CFAP300: variants seen among roughly 807,000 people sequenced by gnomAD.
CFAP300 encodes the protein cilia- and flagella-associated protein 300.
A neutral mutation model predicts 33.0 loss-of-function variants in CFAP300; 32 were observed. The ratio of observed to expected loss-of-function variants is 0.97; its 90% CI spans 0.73 to 1.30. The LOEUF is 1.30. Among genes scored for constraint, CFAP300 ranks in the 50% most tolerant of loss-of-function variants. CFAP300 has a pLI of 0.00. For missense variants in CFAP300, 356 were observed against 318.1 expected, an observed-to-expected ratio of 1.12 and a Z score of -0.90; for synonymous variants, 102 against 106.8, an observed-to-expected ratio of 0.95 and a Z score of 0.28.
intron 4 of CFAP300, among the ~76,000 whole-genome samples, chr11:102,068,682 G>A (rs1284056420): frequency 1.3e-5 from 2 of 152,182 alleles, no homozygotes; most frequent in Admixed American, 6.5e-5. Context: ...AGCTACTTGG[G>A]AGGCTGAGGC....
intron 4 of CFAP300, among the ~76,000 whole-genome samples, chr11:102,067,932 T>C (rs1942252740): frequency 1.3e-5 from 2 of 152,124 alleles, no homozygotes; most frequent in South Asian, 4.1e-4. Context: ...AGAAATGTAT[T>C]ATTGATATTA....
chr11:102,068,365 A>G (rs1336723903), intron 4 of CFAP300, among the ~76,000 whole-genome samples: 2 of 152,188 alleles, frequency 1.3e-5, no homozygotes, highest in East Asian at 3.8e-4. Flanking sequence ...ACCTAAAAGC[A>G]CTCATTAACT....
chr11:102,057,339 CA>C (rs68076980), intron 2 of CFAP300, among the ~76,000 whole-genome samples: 1,311 of 129,906 alleles, frequency 0.01, 8 homozygotes, highest in African/African-American at 0.017. Context: ...AACTCCATCT[CA>C]AAAAAAAAAA....
chr11:102,048,125 G>A (rs1440466406), intron 2 of CFAP300, among the ~76,000 whole-genome samples: 2 of 152,154 alleles, frequency 1.3e-5, no homozygotes, highest in Non-Finnish European at 2.9e-5. Flanking sequence ...TCAGCATCTT[G>A]TATCTTGCCT....
chr11:102,066,392 T>G, intron 3 of CFAP300, 93 bp from the exon 4 acceptor site: 2 of 790,008 alleles, frequency 2.5e-6, no homozygotes, highest in Non-Finnish European at 1.9e-6. Flanking sequence ...TGTTAACTTC[T>G]TAGAATTTCT....
chr11:102,081,281 T>C lies in CFAP300; in HGVS notation c.675T>C (p.Tyr225=). 1 of 1,611,804 alleles carries C rather than the reference T, an allele frequency of 6.2e-7. No individual in the cohort carries two copies. Among genetic ancestry groups the C allele is most frequent in the Non-Finnish European group, 8.5e-7 (1 of 1,179,128 alleles). ...CTTCTGTCTTTAAAGTTTCAGCTTA[T>C]GTAAGTGTGAGAGAACTTTTGCAAC... ...ITSSVFKVSA[Y]DSAGMCYPSA... Residue 225 remains tyrosine (Y), a splice_region_variant and synonymous_variant, in exon 6 of 7, where the codon TAT becomes TAC. Transcript: ENST00000434758.
At chr11:102,059,832 A>G (rs796897071) in intron 3 of CFAP300, among the ~76,000 whole-genome samples, 5 of 145,550 alleles carry the variant, frequency 3.4e-5, no homozygotes, top group African/African-American at 1.3e-4. Context: ...TTTTTTTGAG[A>G]CAGTGTCTCA....
rs187646731 is a variant in CFAP300, at chr11:102,062,998, G to A, written c.269-3487G>A. ...TGCGCTATTCTTCAAGAAAAGGTTA[G>A]AAAGACCCCGAAGCAATTCAGAGAT... On this transcript the variant is annotated intron_variant, in intron 3 of 6. Coordinates refer to ENST00000434758, the MANE Select transcript of CFAP300 (RefSeq NM_032930.3). Among the ~76,000 whole-genome samples, 916 of 151,722 alleles carry A rather than the reference G, an allele frequency of 6.0e-3. 6 individuals are homozygous for A. The highest frequency in any genetic ancestry group is 0.014 in the Middle Eastern group (4 of 294).
At chr11:102,069,623 T>C (rs1265340860) in intron 4 of CFAP300, among the ~76,000 whole-genome samples, 3 of 151,554 alleles carry the variant, frequency 2.0e-5, no homozygotes, top group Non-Finnish European at 4.4e-5. Flanking sequence ...GCCAACATGG[T>C]GAAAACCAGA....
chr11:102,080,598 C>G (rs1942459705), intron 5 of CFAP300, among the ~76,000 whole-genome samples: 1 of 152,064 alleles, frequency 6.6e-6, no homozygotes, highest in Admixed American at 6.6e-5. Context: ...CAGGGTTTCT[C>G]CATGTTGGTC....
intron 3 of CFAP300, among the ~76,000 whole-genome samples, chr11:102,060,089 A>G (rs1455290245): frequency 6.6e-6 from 1 of 152,146 alleles, no homozygotes; most frequent in African/African-American, 2.4e-5. Context: ...CTCCTGCCTC[A>G]GCCTCCCAGG....
At chr11:102,069,599 A>G (rs1942279582) in intron 4 of CFAP300, among the ~76,000 whole-genome samples, 2 of 152,134 alleles carry the variant, frequency 1.3e-5, no homozygotes, top group Middle Eastern at 6.8e-3. Context: ...GACCAGGAGT[A>G]TAAGACTAGC....
At chr11:102,081,762 C>T (rs1040171167) in intron 6 of CFAP300, among the ~76,000 whole-genome samples, 3 of 151,796 alleles carry the variant, frequency 2.0e-5, no homozygotes, top group African/African-American at 7.3e-5. Context: ...CATGGTGGCA[C>T]GCGCCTGTAG....
intron 2 of CFAP300, among the ~76,000 whole-genome samples, chr11:102,052,332 A>G (rs1941983948): frequency 6.6e-6 from 1 of 152,230 alleles, no homozygotes; most frequent in South Asian, 2.1e-4. Flanking sequence ...AACCAATATT[A>G]ATTGAGGTTA....
At chr11:102,055,041 T>C (rs760323334) in intron 2 of CFAP300, among the ~76,000 whole-genome samples, 17 of 150,562 alleles carry the variant, frequency 1.1e-4, no homozygotes, top group African/African-American at 4.2e-4. Context: ...GGTGCAGTGG[T>C]GCGATCTCAG....
Position 102,053,583 on chromosome 11 carries a change from CAAAA to C in CFAP300, c.193-5295_193-5292del, listed in dbSNP as rs568610003. 5.4e-3 allele frequency among the ~76,000 whole-genome samples: 738 copies of C among 136,554 alleles called. 9 individuals are homozygous for C. The highest frequency in any genetic ancestry group is 0.019 in the African/African-American group (694 of 35,750). 89.6% of individuals were successfully genotyped at this position (136,554 alleles called of 152,430 possible). On this transcript the variant is annotated intron_variant, in intron 2 of 6. Coordinates refer to ENST00000434758, the MANE Select transcript of CFAP300 (RefSeq NM_032930.3). ...ACAAACAAACAAACAAACAAACAAACAAAAACCTTCAGTGTGGCTGGTGTCGTGG... is the reference window on the plus strand; with the variant it reads ...ACAAACAAACAAACAAACAAACAAACACCTTCAGTGTGGCTGGTGTCGTGG...
In CFAP300 at chr11:102,083,033, A is replaced by T. The variant is rs189512829; in HGVS notation, c.676-38A>T. 626 of 1,111,948 alleles carry T rather than the reference A, an allele frequency of 5.6e-4. 3 individuals carry two copies. In the African/African-American group the frequency reaches 7.9e-3, roughly 14 times the overall value. 68.9% of individuals were successfully genotyped at this position (1,111,948 alleles called of 1,614,324 possible). A position where few individuals can be genotyped will look rare whatever the true frequency, so the allele number is the denominator to read the frequency against. Reference sequence around the variant, plus strand: ...ATAATAAATATATAAATACATAAATAAAATAAAATAATAATAATTTAGGTT... The same window carrying T: ...ATAATAAATATATAAATACATAAATTAAATAAAATAATAATAATTTAGGTT... On this transcript the variant is annotated intron_variant, in intron 6 of 6. Coordinates refer to ENST00000434758, the MANE Select transcript of CFAP300 (RefSeq NM_032930.3).
chr11:102,051,374 C>A (rs187881155), intron 2 of CFAP300, among the ~76,000 whole-genome samples: 3 of 152,262 alleles, frequency 2.0e-5, no homozygotes, highest in Non-Finnish European at 2.9e-5. Context: ...ATTTACAGAG[C>A]TTTCCTGGAA....
Position 102,065,195 on chromosome 11 carries a change from T to C in CFAP300, c.269-1290T>C, listed in dbSNP as rs535888112. 1.2e-4 allele frequency among the ~76,000 whole-genome samples: 18 copies of C among 152,078 alleles called. 2 individuals are homozygous for C. The South Asian group carries it at 3.7e-3, about 32-fold the overall frequency. ...CATCTCGGCTTACTGCAAACTCCAC[T>C]TCCCAGCCTCCCGAATAGCTGGGAT... On this transcript the variant is annotated intron_variant, in intron 3 of 6. Coordinates refer to ENST00000434758, the MANE Select transcript of CFAP300 (RefSeq NM_032930.3).
Sources: allele counts gnomAD v4.1 joint callset (sites outside exome capture counted in the v4.1 genomes callset), GRCh38; gene constraint gnomAD v4.1.1; transcripts MANE v1.5; gene names NCBI Gene and HGNC (gene_info 2026-07-23, HGNC 2026-07-21).